The following HDAC9 variants were observed in gnomAD, a reference collection of about 807,000 sequenced individuals.
HDAC9 encodes the protein MEF-2 interacting transcription repressor (MITR) protein.
HDAC9 carries 41 observed loss-of-function variants against 139.4 expected under a neutral mutation model. The observed-to-expected ratio is 0.29, with a 90% CI of 0.23 to 0.38. The LOEUF (loss-of-function observed/expected upper bound fraction) is 0.38, where lower values mean the gene tolerates loss of function less well. Among genes scored for constraint, HDAC9 ranks in the 10% least tolerant of loss-of-function variants. The probability of loss-of-function intolerance (pLI) is 1.00; values close to 1 mark genes in which losing one functional copy is unlikely to be tolerated. For synonymous variants in HDAC9, 517 were observed against 476.2 expected, an observed-to-expected ratio of 1.09 and a Z score of -1.12; for missense variants, 1,147 against 1,297.0, an observed-to-expected ratio of 0.88 and a Z score of 1.78.
chr7:18,530,323 T>A (rs1808488830), intron 2 of HDAC9, among the ~76,000 whole-genome samples: 2 of 152,000 alleles, frequency 1.3e-5, no homozygotes, highest in South Asian at 4.1e-4. Flanking sequence ...CTGAAAACAA[T>A]GTCGTTAACA....
At chr7:18,439,120 ATC>A (rs1381063522) in intron 1 of HDAC9, among the ~76,000 whole-genome samples, 2 of 152,124 alleles carry the variant, frequency 1.3e-5, no homozygotes, top group Non-Finnish European at 2.9e-5. Flanking sequence ...TATTTATCAG[ATC>A]TGGTGGCTTT....
chr7:18,907,156 C>G (rs1053520115), intron 22 of HDAC9: 1 of 152,160 alleles, frequency 6.6e-6, no homozygotes, highest in East Asian at 1.9e-4. Flanking sequence ...GTCAATCCTG[C>G]AGGATGTTGT....
chr7:18,930,156 GT>G (rs1240591996), intron 22 of HDAC9, among the ~76,000 whole-genome samples: 1 of 152,006 alleles, frequency 6.6e-6, no homozygotes, highest in Non-Finnish European at 1.5e-5. Context: ...GCCCTATGTG[GT>G]TGTTGAGAAC....
chr7:18,168,606 C>T (rs1357855744), intron 2 of HDAC9, among the ~76,000 whole-genome samples: 2 of 150,484 alleles, frequency 1.3e-5, no homozygotes, highest in African/African-American at 4.9e-5. Context: ...TGCATGTGTG[C>T]TTGTGTTGCA....
At chr7:18,112,779 C>T (rs1285219829) in intron 1 of HDAC9, among the ~76,000 whole-genome samples, 1 of 152,106 alleles carries the variant, frequency 6.6e-6, no homozygotes, top group Non-Finnish European at 1.5e-5. Flanking sequence ...TAACATTTAT[C>T]AGCACACAGT....
chr7:18,692,572 G>T (rs1300825031), intron 12 of HDAC9, among the ~76,000 whole-genome samples: 1 of 152,000 alleles, frequency 6.6e-6, no homozygotes, highest in African/African-American at 2.4e-5. Context: ...AGAAGATTTG[G>T]ATGTAAATCT....
intron 1 of HDAC9, among the ~76,000 whole-genome samples, chr7:18,302,802 A>T (rs1212457211): frequency 6.6e-6 from 1 of 152,200 alleles, no homozygotes; most frequent in Non-Finnish European, 1.5e-5. Context: ...GGGAGTGCTC[A>T]GTAGTCATTT....
chr7:18,105,658 G>C (rs539954972), intron 1 of HDAC9, among the ~76,000 whole-genome samples: 1 of 151,110 alleles, frequency 6.6e-6, no homozygotes, highest in Non-Finnish European at 1.5e-5. Context: ...TGCAAAATGG[G>C]CACAGCCACT....
chr7:18,186,108 C>G (rs1371787971), intron 2 of HDAC9, among the ~76,000 whole-genome samples: 2 of 152,118 alleles, frequency 1.3e-5, no homozygotes, highest in African/African-American at 2.4e-5. Context: ...GAAAACCAAG[C>G]CTTAGAGACT....
intron 14 of HDAC9, among the ~76,000 whole-genome samples, chr7:18,755,052 GT>G (rs1259306267): frequency 6.6e-6 from 1 of 152,080 alleles, no homozygotes; most frequent in Non-Finnish European, 1.5e-5. Context: ...AAAATTTTAT[GT>G]GTTTGTGCCT....
intron 2 of HDAC9, among the ~76,000 whole-genome samples, chr7:18,185,386 G>A (rs1489032548): frequency 6.6e-6 from 1 of 152,204 alleles, no homozygotes; most frequent in African/African-American, 2.4e-5. Context: ...TGCAACTAAT[G>A]TTGAGGACTG....
chr7:18,500,521 A>C (rs528005573), intron 2 of HDAC9, among the ~76,000 whole-genome samples: 21 of 152,166 alleles, frequency 1.4e-4, no homozygotes, highest in Non-Finnish European at 2.9e-4. Context: ...CTGTCTTAGA[A>C]TTTTACTGGC....
chr7:18,454,440 C>T (rs766881156), intron 1 of HDAC9, among the ~76,000 whole-genome samples: 33 of 152,078 alleles, frequency 2.2e-4, no homozygotes, highest in Non-Finnish European at 3.7e-4. Context: ...TGTAAGGCTA[C>T]TGTGGCTCAG....
At chr7:18,347,280 A>T (rs1365090205) in intron 1 of HDAC9, among the ~76,000 whole-genome samples, 1 of 152,196 alleles carries the variant, frequency 6.6e-6, no homozygotes, top group Non-Finnish European at 1.5e-5. Flanking sequence ...AAGGAAAATG[A>T]GCACTTCATT....
intron 14 of HDAC9, among the ~76,000 whole-genome samples, chr7:18,758,725 G>C (rs929056282): frequency 6.6e-6 from 1 of 152,008 alleles, no homozygotes; most frequent in Non-Finnish European, 1.5e-5. Flanking sequence ...TCTCCTAGCA[G>C]TGTCTCTGTG....
At chr7:18,956,341 C>T (rs1316093835) in intron 24 of HDAC9, among the ~76,000 whole-genome samples, 1 of 152,070 alleles carries the variant, frequency 6.6e-6, no homozygotes, top group Non-Finnish European at 1.5e-5. Context: ...CGATGTTTCT[C>T]TTAAAAATAT....
At chr7:18,425,891 T>C (rs1279475909) in intron 1 of HDAC9, among the ~76,000 whole-genome samples, 1 of 152,198 alleles carries the variant, frequency 6.6e-6, no homozygotes, top group African/African-American at 2.4e-5. Flanking sequence ...ATACCCCTTG[T>C]GATCAAGTCC....
intron 22 of HDAC9, among the ~76,000 whole-genome samples, chr7:18,933,205 C>T (rs1272669283): frequency 6.6e-6 from 1 of 152,142 alleles, no homozygotes; most frequent in East Asian, 1.9e-4. Context: ...GATCAGCTTG[C>T]CAGCATGGTC....
chr7:18,413,915 C>T (rs773785309), intron 1 of HDAC9, among the ~76,000 whole-genome samples: 1 of 152,038 alleles, frequency 6.6e-6, no homozygotes, highest in South Asian at 2.1e-4. Flanking sequence ...ATATTTGGGA[C>T]TTTTCCTTGA....
Sources: allele counts gnomAD v4.1 joint callset (sites outside exome capture counted in the v4.1 genomes callset), GRCh38; gene constraint gnomAD v4.1.1; transcripts MANE v1.5; gene names NCBI Gene and HGNC (gene_info 2026-07-23, HGNC 2026-07-21).